UTS2: variants seen among roughly 807,000 people sequenced by gnomAD.
UTS2 encodes urotensin 2, also known as urotensin-2.
A neutral mutation model predicts 12.6 loss-of-function variants in UTS2; 10 were observed. The observed-to-expected ratio is 0.80, with a 90% CI of 0.49 to 1.35. UTS2 has a LOEUF of 1.35. Ranked by LOEUF, UTS2 falls within the 40% of genes most tolerant of loss-of-function variation. The pLI, the probability that UTS2 is intolerant of heterozygous loss-of-function variation, is 0.00. For synonymous variants in UTS2, 52 were observed against 50.0 expected (o/e 1.04, Z -0.17); for missense variants, 142 against 143.2 (o/e 0.99, Z 0.04).
the UTS2 span, among the ~76,000 whole-genome samples, chr1:7,893,844 T>G: frequency 3.3e-5 from 5 of 152,178 alleles, no homozygotes; most frequent in South Asian, 1.0e-3. Flanking sequence ...CGTCCTTCTC[T>G]CCCTCACCTT....
At chr1:7,891,379 A>G in the UTS2 span, among the ~76,000 whole-genome samples, 1 of 152,028 alleles carries the variant, frequency 6.6e-6, no homozygotes, top group Admixed American at 6.6e-5. Flanking sequence ...TACAAAAATT[A>G]GCCAGGCGTG....
At chr1:7,863,127 T>C in the UTS2 span, among the ~76,000 whole-genome samples, 7 of 150,500 alleles carry the variant, frequency 4.7e-5, no homozygotes, top group East Asian at 7.8e-4. Context: ...TGTATTGTAT[T>C]TGAGACGAAG....
chr1:7,907,455 G>C, the UTS2 span, among the ~76,000 whole-genome samples: 1 of 151,622 alleles, frequency 6.6e-6, no homozygotes, highest in African/African-American at 2.4e-5. Flanking sequence ...GAGAGCAGCA[G>C]GGCATCATAG....
chr1:7,890,967 A>ACCCC, the UTS2 span, among the ~76,000 whole-genome samples: 5,672 of 134,024 alleles, frequency 0.042, 343 homozygotes, highest in Non-Finnish European at 0.071. Context: ...GATACCCTCC[A>ACCCC]CCCCCCCCCA....
At chr1:7,905,213 G>T in the UTS2 span, among the ~76,000 whole-genome samples, 1 of 148,102 alleles carries the variant, frequency 6.8e-6, no homozygotes, top group East Asian at 2.0e-4. Context: ...GCGCGATCTT[G>T]GCTCACTGTA....
rs2097413214 is a variant in UTS2 at position 7,850,832 on chromosome 1, C to T, written c.194G>A (p.Gly65Glu). The T allele has an allele frequency of 6.2e-7, 1 of 1,614,138 alleles. No individual in the cohort carries two copies. Among genetic ancestry groups the T allele is most frequent in the Non-Finnish European group, 8.5e-7 (1 of 1,180,028 alleles). ...ILPEMLGAER[G>E]DILRKADSST... Reference sequence around the variant, plus strand: ...TTTACCTGCTTTCCTGAGAATATCCCCTCTTTCTGCACCCAGCATCTCTGG... The same window carrying T: ...TTTACCTGCTTTCCTGAGAATATCCTCTCTTTCTGCACCCAGCATCTCTGG... Residue 65 changes from glycine (G) to glutamate (E), a missense_variant, in exon 2 of 4, where the codon GGG becomes GAG. Gly to Glu is a moderately conservative substitution (Grantham distance 98, BLOSUM62 -2). Transcript: ENST00000361696.
the UTS2 span, among the ~76,000 whole-genome samples, chr1:7,863,595 G>A: frequency 2.0e-5 from 3 of 152,290 alleles, no homozygotes; most frequent in South Asian, 2.1e-4. Flanking sequence ...CTAGAACAGC[G>A]CCTGGCCTTG....
chr1:7,892,469 G>GTTTTT, the UTS2 span, among the ~76,000 whole-genome samples: 47 of 77,760 alleles, frequency 6.0e-4, no homozygotes, highest in Non-Finnish European at 7.8e-4. Context: ...CCTCATGCAT[G>GTTTTT]TTTTTTTTTT....
chr1:7,881,587 C>T, the UTS2 span, among the ~76,000 whole-genome samples: 3 of 151,882 alleles, frequency 2.0e-5, no homozygotes, highest in African/African-American at 7.3e-5. Context: ...ATGTAAAATA[C>T]CTCTACAAGG....
chr1:7,876,595 C>G, the UTS2 span, among the ~76,000 whole-genome samples: 1 of 152,136 alleles, frequency 6.6e-6, no homozygotes, highest in African/African-American at 2.4e-5. Context: ...CCCACTACCA[C>G]TGGTATCCTT....
chr1:7,857,141 A>AAGGAAGGAAGGAAGGAAGGT (rs1393133455), upstream of UTS2, among the ~76,000 whole-genome samples: 1 of 151,656 alleles, frequency 6.6e-6, no homozygotes, highest in African/African-American at 2.4e-5. Context: ...GGAAGGAAGG[A>AAGGAAGGAAGGAAGGAAGGT]AGGTGAAGCA....
chr1:7,886,934 G>A, the UTS2 span, among the ~76,000 whole-genome samples: 2 of 150,786 alleles, frequency 1.3e-5, no homozygotes, highest in African/African-American at 2.4e-5. Flanking sequence ...CCTGCTACTC[G>A]GGAGGCTGAG....
the UTS2 span, among the ~76,000 whole-genome samples, chr1:7,887,709 C>T: frequency 4.1e-5 from 6 of 145,782 alleles, no homozygotes; most frequent in Admixed American, 1.4e-4. Flanking sequence ...GCGGAGGTTG[C>T]GGTGACCCAC....
chr1:7,862,976 ATTTATTGTGTTGTGTTGTAT>A, the UTS2 span, among the ~76,000 whole-genome samples: 26 of 131,374 alleles, frequency 2.0e-4, no homozygotes, highest in African/African-American at 5.9e-4. Context: ...GACGGCCGTT[ATTTATTGTGTTGTGTTGTAT>A]TGTATTGTAT....
At chr1:7,849,538 T>C in intron 3 of UTS2, 102 bp downstream of exon 3, 1 of 1,074,484 alleles carries the variant, frequency 9.3e-7, no homozygotes, top group Non-Finnish European at 1.4e-6. Flanking sequence ...TAAGGTGTGG[T>C]TTCCACCAAG....
At chr1:7,909,965 C>G in the UTS2 span, among the ~76,000 whole-genome samples, 1 of 152,194 alleles carries the variant, frequency 6.6e-6, no homozygotes, top group East Asian at 1.9e-4. Context: ...TCATTTTCAT[C>G]TGCAAAGCAT....
the UTS2 span, among the ~76,000 whole-genome samples, chr1:7,897,348 T>C: frequency 5.9e-5 from 9 of 152,216 alleles, no homozygotes. Flanking sequence ...TATCCTATTC[T>C]TGTTTAGGAA....
chr1:7,904,741 C>T, the UTS2 span, among the ~76,000 whole-genome samples: 1 of 151,704 alleles, frequency 6.6e-6, no homozygotes, highest in Non-Finnish European at 1.5e-5. Context: ...CCTGTCTCTA[C>T]TAAAAATATA....
At chr1:7,879,434 A>G in the UTS2 span, among the ~76,000 whole-genome samples, 6 of 152,112 alleles carry the variant, frequency 3.9e-5, no homozygotes, top group African/African-American at 7.2e-5. Flanking sequence ...GAATTTAAAA[A>G]GGAAATTTAA....
Sources: allele counts gnomAD v4.1 joint callset (sites outside exome capture counted in the v4.1 genomes callset), GRCh38; gene constraint gnomAD v4.1.1; transcripts MANE v1.5; gene names NCBI Gene and HGNC (gene_info 2026-07-23, HGNC 2026-07-21).